The following DLG2 variants were observed in gnomAD, a reference collection of about 807,000 sequenced individuals.
The protein encoded by DLG2 is discs large MAGUK scaffold protein 2.
Under a neutral mutation model 132.5 loss-of-function variants are expected in DLG2, and 45 were observed. The observed-to-expected ratio is 0.34, with a 90% CI of 0.27 to 0.44. The LOEUF is 0.44. DLG2 is among the 20% of genes least tolerant of loss of function. The pLI, the probability that DLG2 is intolerant of heterozygous loss-of-function variation, is 1.00. For missense variants in DLG2, 1,045 were observed against 1,196.9 expected (o/e 0.87, Z 1.87); for synonymous variants, 424 against 419.6 (o/e 1.01, Z -0.13).
chr11:83,888,701 T>G (rs1322375920), intron 15 of DLG2, among the ~76,000 whole-genome samples: 1 of 151,798 alleles, frequency 6.6e-6, no homozygotes, highest in Non-Finnish European at 1.5e-5. Context: ...TTCAAACTTG[T>G]AGTATACTAC....
intron 6 of DLG2, among the ~76,000 whole-genome samples, chr11:84,822,319 G>A (rs918642281): frequency 6.6e-6 from 1 of 151,720 alleles, no homozygotes; most frequent in Non-Finnish European, 1.5e-5. Flanking sequence ...ACCTATTTAA[G>A]GTAACTGAAA....
chr11:83,586,341 T>G (rs1467278033), intron 19 of DLG2, among the ~76,000 whole-genome samples: 1 of 152,228 alleles, frequency 6.6e-6, no homozygotes, highest in African/African-American at 2.4e-5. Flanking sequence ...ACTTCAACAT[T>G]TCTGTTATAG....
intron 7 of DLG2, among the ~76,000 whole-genome samples, chr11:84,372,378 T>A (rs543723374): frequency 4.6e-5 from 7 of 152,298 alleles, no homozygotes; most frequent in Non-Finnish European, 1.0e-4. Context: ...AAGGCCCATT[T>A]GCTTATAAAA....
chr11:85,437,770 A>G (rs2091568986), intron 3 of DLG2, among the ~76,000 whole-genome samples: 1 of 152,154 alleles, frequency 6.6e-6, no homozygotes, highest in South Asian at 2.1e-4. Flanking sequence ...AATATAGAAG[A>G]TATGTATAAT....
chr11:83,519,231 C>A (rs750522353), intron 21 of DLG2, among the ~76,000 whole-genome samples: 2 of 152,132 alleles, frequency 1.3e-5, no homozygotes, highest in African/African-American at 4.8e-5. Context: ...ACTGAGTCTT[C>A]CCTAGCACTC....
At chr11:85,547,466 C>T (rs1020871240) in intron 3 of DLG2, among the ~76,000 whole-genome samples, 4 of 152,092 alleles carry the variant, frequency 2.6e-5, no homozygotes, top group African/African-American at 4.8e-5. Context: ...TGTGTCTTGG[C>T]GTTGTTCTTC....
At chr11:84,503,953 T>G (rs1164281745) in intron 7 of DLG2, among the ~76,000 whole-genome samples, 3 of 152,206 alleles carry the variant, frequency 2.0e-5, no homozygotes, top group Non-Finnish European at 4.4e-5. Context: ...CACTGCACTC[T>G]GATGAATTGG....
At chr11:83,844,407 G>A (rs950169945) in intron 16 of DLG2, among the ~76,000 whole-genome samples, 3 of 151,164 alleles carry the variant, frequency 2.0e-5, no homozygotes, top group Non-Finnish European at 4.4e-5. Context: ...AATTAGCTGG[G>A]CATGGTGGTG....
chr11:83,893,185 C>T (rs2070488157), intron 15 of DLG2, among the ~76,000 whole-genome samples: 1 of 152,214 alleles, frequency 6.6e-6, no homozygotes, highest in Non-Finnish European at 1.5e-5. Context: ...ACTGTTAAAA[C>T]AGCGTCCCAA....
intron 6 of DLG2, among the ~76,000 whole-genome samples, chr11:85,061,080 T>A (rs190278331): frequency 6.5e-4 from 99 of 151,692 alleles, no homozygotes; most frequent in African/African-American, 2.3e-3. Context: ...ATTTTTTAAT[T>A]TTTTTGCTTT....
At chr11:85,140,593 C>A (rs1354377827) in intron 5 of DLG2, among the ~76,000 whole-genome samples, 1 of 151,252 alleles carries the variant, frequency 6.6e-6, no homozygotes, top group Admixed American at 6.6e-5. Flanking sequence ...CATTCCAATT[C>A]CAGTCTTAGT....
chr11:85,244,557 C>G (rs927374893), intron 4 of DLG2, among the ~76,000 whole-genome samples: 5 of 151,870 alleles, frequency 3.3e-5, no homozygotes, highest in African/African-American at 4.8e-5. Context: ...GTGACAAGGA[C>G]CAGAGGAAGG....
intron 2 of DLG2, among the ~76,000 whole-genome samples, chr11:85,617,171 C>A (rs932866016): frequency 1.3e-5 from 2 of 152,220 alleles, no homozygotes; most frequent in African/African-American, 4.8e-5. Flanking sequence ...CTGATCCTGT[C>A]CCTTCTTTTA....
chr11:83,953,285 T>C (rs12292572), intron 14 of DLG2, among the ~76,000 whole-genome samples: 1,550 of 152,332 alleles, frequency 0.01, 29 homozygotes, highest in African/African-American at 0.034. Flanking sequence ...GTCTATGGCC[T>C]GTTAGGAACT....
Position 83,756,527 on chromosome 11 carries a change from G to A in DLG2, c.1825+30163C>T, listed in dbSNP as rs538421714. ...GGCCAGACTTCCTAGCTGGAGTCCT[G>A]GGTCTTCCTCCTACAAGCTGTGAGC... On this transcript the variant is annotated intron_variant, in intron 18 of 27. Coordinates refer to ENST00000376104, the MANE Select transcript of DLG2 (RefSeq NM_001142699.3). Among the ~76,000 whole-genome samples, 158 of 151,478 alleles carry A rather than the reference G, an allele frequency of 1.0e-3. 6 individuals carry two copies. Among genetic ancestry groups the A allele is most frequent in the African/African-American group, 3.7e-3 (151 of 40,804 alleles).
intron 25 of DLG2, 53 bp from the exon 26 acceptor site, chr11:83,466,870 T>C: frequency 8.0e-7 from 1 of 1,256,678 alleles, no homozygotes; most frequent in Non-Finnish European, 1.2e-6. Context: ...ATGGCCATAA[T>C]CCAACAAAAG....
At chr11:83,933,831 AAG>A (rs1442697798) in intron 14 of DLG2, among the ~76,000 whole-genome samples, 4 of 152,240 alleles carry the variant, frequency 2.6e-5, no homozygotes, top group African/African-American at 4.8e-5. Context: ...AAAAAAAAGA[AAG>A]AGAGAAAAAA....
chr11:85,516,653 C>A (rs2094175728), intron 3 of DLG2, among the ~76,000 whole-genome samples: 1 of 152,046 alleles, frequency 6.6e-6, no homozygotes, highest in African/African-American at 2.4e-5. Flanking sequence ...CATCTCTACA[C>A]TGACAAACTA....
At chr11:84,986,093 T>A in intron 6 of DLG2, among the ~76,000 whole-genome samples, 1 of 137,628 alleles carries the variant, frequency 7.3e-6, no homozygotes, top group African/African-American at 2.7e-5. Context: ...AAAATCCTAA[T>A]AAGCCCAATT....
Sources: allele counts gnomAD v4.1 joint callset (sites outside exome capture counted in the v4.1 genomes callset), GRCh38; gene constraint gnomAD v4.1.1; transcripts MANE v1.5; gene names NCBI Gene and HGNC (gene_info 2026-07-23, HGNC 2026-07-21).